The following AKAP12 variants were observed in gnomAD, a reference collection of about 807,000 sequenced individuals.
The protein encoded by AKAP12 is A-kinase anchor protein 12.
In AKAP12, 32 loss-of-function variants were observed where a neutral mutation model predicts 79.9. That is an observed-to-expected ratio of 0.40 (90% CI 0.30 to 0.54). AKAP12 has a LOEUF of 0.54. Among genes scored for constraint, AKAP12 ranks in the 20% least tolerant of loss-of-function variants. The probability of loss-of-function intolerance (pLI) is 0.48; values close to 1 mark genes in which losing one functional copy is unlikely to be tolerated. For synonymous variants in AKAP12, 808 were observed against 857.0 expected, an observed-to-expected ratio of 0.94 and a Z score of 1.00; for missense variants, 2,074 against 2,177.0, an observed-to-expected ratio of 0.95 and a Z score of 0.94.
intron 2 of AKAP12, among the ~76,000 whole-genome samples, chr6:151,254,249 T>C (rs1331009862): frequency 1.3e-5 from 2 of 152,112 alleles, no homozygotes; most frequent in Non-Finnish European, 2.9e-5. Flanking sequence ...TTGACCTTAA[T>C]GTGGGCAAAA....
intron 3 of AKAP12, among the ~76,000 whole-genome samples, chr6:151,315,823 G>A (rs1277564034): frequency 1.3e-5 from 2 of 151,508 alleles, no homozygotes; most frequent in South Asian, 2.1e-4. Flanking sequence ...CAATAATGGC[G>A]GAAGGGGAAG....
At position 151,351,458 on chromosome 6, in the gene AKAP12, C is replaced by T; in HGVS notation, c.3067C>T (p.Gln1023Ter). ...PDTTEEATPV[Q>*]EVEGGVPDIE... The stretch of plus-strand genomic sequence containing the variant: ...CACCACAGAGGAGGCCACTCCGGTG[C>T]AGGAGGTGGAAGGTGGCGTACCTGA... Residue 1023 changes from glutamine (Q) to a stop codon, truncating the protein, a stop_gained, in exon 4 of 5, where the codon CAG (glutamine) becomes TAG (stop). Coordinates refer to ENST00000402676, the MANE Select transcript of AKAP12 (RefSeq NM_005100.4). LOFTEE classifies it high-confidence loss of function. This position sits in a 1 kb window ranked among gnomAD's most constrained non-coding sequence, Gnocchi z 4.4. 1 of 1,614,148 alleles carries T rather than the reference C, an allele frequency of 6.2e-7. No homozygotes were observed. The highest frequency in any genetic ancestry group is 8.5e-7 in the Non-Finnish European group (1 of 1,180,032).
intron 2 of AKAP12, among the ~76,000 whole-genome samples, chr6:151,287,769 G>A (rs991815810): frequency 2.0e-5 from 3 of 152,124 alleles, no homozygotes; most frequent in African/African-American, 7.2e-5. Flanking sequence ...GCATACGTAT[G>A]TTTATTGCAG....
intron 3 of AKAP12, among the ~76,000 whole-genome samples, chr6:151,337,313 T>C (rs1402351288): frequency 6.6e-6 from 1 of 151,296 alleles, no homozygotes; most frequent in Admixed American, 6.6e-5. Flanking sequence ...GAGACCAGTC[T>C]CTACAGTTTA....
chr6:151,255,545 C>T (rs1486315403), intron 2 of AKAP12, among the ~76,000 whole-genome samples: 1 of 151,936 alleles, frequency 6.6e-6, no homozygotes, highest in Non-Finnish European at 1.5e-5. Flanking sequence ...TGCCTGTAAT[C>T]CCAGTGCTTT....
chr6:151,340,143 C>T (rs991036673), intron 3 of AKAP12, among the ~76,000 whole-genome samples: 7 of 151,734 alleles, frequency 4.6e-5, no homozygotes, highest in African/African-American at 1.7e-4. Flanking sequence ...CCATCTTGGC[C>T]AGGCTGGTCT....
chr6:151,341,714 G>A, intron 3 of AKAP12: 1 of 1,262,844 alleles, frequency 7.9e-7, no homozygotes, highest in Non-Finnish European at 1.0e-6. Flanking sequence ...CCAAGCGGCA[G>A]TTCGCCCCGC....
At chr6:151,286,501 G>A (rs190957957) in intron 2 of AKAP12, among the ~76,000 whole-genome samples, 18 of 152,230 alleles carry the variant, frequency 1.2e-4, no homozygotes, top group African/African-American at 3.9e-4. Flanking sequence ...TGCATTCTTC[G>A]GAAACAGAAA....
At chr6:151,316,549 G>A (rs922611847) in intron 3 of AKAP12, among the ~76,000 whole-genome samples, 8 of 152,102 alleles carry the variant, frequency 5.3e-5, no homozygotes, top group African/African-American at 1.4e-4. Flanking sequence ...GCTCGCAGAC[G>A]GCCGCCTTCT....
At chr6:151,301,729 T>C (rs1776866165) in intron 2 of AKAP12, among the ~76,000 whole-genome samples, 1 of 152,126 alleles carries the variant, frequency 6.6e-6, no homozygotes, top group Admixed American at 6.6e-5. Context: ...AGGTCAAAGC[T>C]TGGGTACCCT....
chr6:151,353,877 A>G (rs1052087985), intron 4 of AKAP12, 125 bp downstream of exon 4: 1 of 633,076 alleles, frequency 1.6e-6, no homozygotes, highest in African/African-American at 1.8e-5. Flanking sequence ...GAGGAAAATA[A>G]CTATCAACTA....
intron 2 of AKAP12, among the ~76,000 whole-genome samples, chr6:151,296,682 C>G (rs146469388): frequency 6.6e-6 from 1 of 152,128 alleles, no homozygotes; most frequent in South Asian, 2.1e-4. Flanking sequence ...GAGGCTGAAA[C>G]GGGAGAATCT....
intron 2 of AKAP12, among the ~76,000 whole-genome samples, chr6:151,261,381 CATAAA>C (rs1423877856): frequency 1.3e-5 from 2 of 149,968 alleles, no homozygotes; most frequent in Admixed American, 6.7e-5. Context: ...AAAAAAAACC[CATAAA>C]ATAAAATAAA....
chr6:151,261,480 C>G (rs1274891342), intron 2 of AKAP12, among the ~76,000 whole-genome samples: 2 of 151,848 alleles, frequency 1.3e-5, no homozygotes, highest in Non-Finnish European at 2.9e-5. Context: ...CAACTGAGGT[C>G]GGGAGTTCGA....
chr6:151,350,310 G>A lies in AKAP12; in HGVS notation c.1919G>A (p.Ser640Asn). Residue 640 changes from serine (S) to asparagine (N), a missense_variant, in exon 4 of 5, where the codon AGC becomes AAC. Physicochemically the swap from Ser to Asn is conservative, Grantham distance 46 (BLOSUM62 1). Around this residue, in one of 3 missense-constraint regions of AKAP12, gnomAD observed 1,428 missense variants for 1,451.0 expected, o/e 0.98. Coordinates refer to ENST00000402676, the MANE Select transcript of AKAP12 (RefSeq NM_005100.4). The surrounding 1 kb of genome is among the most constrained non-coding windows in gnomAD (Gnocchi z 4.8). The part of the protein sequence containing the change: ...DKEDELDKVK[S>N]ATLSSTESTA... ...GAAGATGAGCTGGACAAGGTCAAGA[G>A]CGCTACCTTGTCTTCCACCGAGAGC... The A allele has an allele frequency of 6.2e-7, 1 of 1,611,526 alleles. No homozygotes were observed. Among genetic ancestry groups the A allele is most frequent in the Non-Finnish European group, 8.5e-7 (1 of 1,179,172 alleles).
At chr6:151,341,899 A>T (rs979909200) in intron 3 of AKAP12, 1 of 868,500 alleles carries the variant, frequency 1.2e-6, no homozygotes, top group African/African-American at 1.8e-5. Context: ...GTGGCATCCC[A>T]GCCCAGGCTG....
chr6:151,253,900 G>A (rs1437248339), intron 2 of AKAP12, among the ~76,000 whole-genome samples: 1 of 151,862 alleles, frequency 6.6e-6, no homozygotes, highest in Admixed American at 6.6e-5. Flanking sequence ...GTAGAGACGG[G>A]GTTTTACCAT....
chr6:151,265,039 T>C (rs1480105983), intron 2 of AKAP12, among the ~76,000 whole-genome samples: 1 of 151,786 alleles, frequency 6.6e-6, no homozygotes, highest in East Asian at 1.9e-4. Flanking sequence ...TAATCCCAGC[T>C]ACTCGAGAGG....
At chr6:151,258,097 G>T (rs1166246166) in intron 2 of AKAP12, among the ~76,000 whole-genome samples, 1 of 152,158 alleles carries the variant, frequency 6.6e-6, no homozygotes, top group African/African-American at 2.4e-5. Flanking sequence ...ATTTTCTGGG[G>T]CCAGAGACAA....
Sources: allele counts gnomAD v4.1 joint callset (sites outside exome capture counted in the v4.1 genomes callset), GRCh38; gene constraint gnomAD v4.1.1; regional missense constraint gnomAD v4.1.1; non-coding constraint Gnocchi (gnomAD v3.1); transcripts MANE v1.5; gene names NCBI Gene and HGNC (gene_info 2026-07-23, HGNC 2026-07-21).